Variants in KIAA1217 observed in about 807,000 individuals in gnomAD.
KIAA1217 encodes the protein KIAA1217.
KIAA1217 carries 88 observed loss-of-function variants against 163.9 expected under a neutral mutation model. The ratio of observed to expected loss-of-function variants is 0.54; its 90% CI spans 0.45 to 0.64. The LOEUF is 0.64. Ranked by LOEUF, KIAA1217 falls within the 30% of genes least tolerant of loss-of-function variation. The pLI is 0.00. For synonymous variants in KIAA1217, 903 were observed against 923.1 expected (o/e 0.98, Z 0.39); for missense variants, 2,372 against 2,475.0 (o/e 0.96, Z 0.88).
chr10:24,234,048 G>C (rs2071830509), intron 2 of KIAA1217, among the ~76,000 whole-genome samples: 1 of 151,808 alleles, frequency 6.6e-6, no homozygotes, highest in South Asian at 2.1e-4. Flanking sequence ...ACATTTGTTT[G>C]CATCTGTCAG....
chr10:23,989,586 G>T (rs567558398), intron 1 of KIAA1217, among the ~76,000 whole-genome samples: 25 of 152,212 alleles, frequency 1.6e-4, no homozygotes, highest in African/African-American at 6.0e-4. Flanking sequence ...GAGACTTTTT[G>T]CTTCTGTGGT....
At chr10:24,235,416 C>T (rs138964889) in intron 2 of KIAA1217, among the ~76,000 whole-genome samples, 113 of 152,308 alleles carry the variant, frequency 7.4e-4, no homozygotes, top group African/African-American at 2.5e-3. Flanking sequence ...AGTTGGGGTC[C>T]ATGTTTCATT....
chr10:24,525,500 A>G (rs1185484261), intron 13 of KIAA1217, among the ~76,000 whole-genome samples: 1 of 152,246 alleles, frequency 6.6e-6, no homozygotes, highest in Non-Finnish European at 1.5e-5. Flanking sequence ...TTTGGAAGGT[A>G]TCAGAGAAAT....
chr10:24,546,417 C>A lies in KIAA1217; in HGVS notation c.*93C>A. 1.6e-6 allele frequency: 2 copies of A among 1,273,480 alleles called. No homozygotes were observed. Among genetic ancestry groups the A allele is most frequent in the Non-Finnish European group, 2.2e-6 (2 of 928,346 alleles). The allele number at this position is 1,273,480 out of a possible 1,614,324, so 78.9% of individuals were successfully genotyped here. A position where few individuals can be genotyped will look rare whatever the true frequency, so the allele number is the denominator to read the frequency against. ...TTTCACAAGAGAATGTAACATATTGCTGTATCGTTTGAGGCTTAATGCTAA... is the reference window on the plus strand; with the variant it reads ...TTTCACAAGAGAATGTAACATATTGATGTATCGTTTGAGGCTTAATGCTAA... On this transcript the variant is annotated 3_prime_UTR_variant, in exon 21 of 21. Transcript: ENST00000376454.
intron 1 of KIAA1217, among the ~76,000 whole-genome samples, chr10:23,765,335 G>A (rs910976618): frequency 1.3e-5 from 2 of 151,236 alleles, no homozygotes; most frequent in Admixed American, 6.6e-5. Context: ...ACTACAGCCC[G>A]GCTAACTTTT....
At chr10:24,448,616 A>T (rs1436999437) in intron 5 of KIAA1217, among the ~76,000 whole-genome samples, 1 of 152,152 alleles carries the variant, frequency 6.6e-6, no homozygotes, top group African/African-American at 2.4e-5. Flanking sequence ...TTGAACTCCT[A>T]GGCTCCAGGG....
intron 2 of KIAA1217, among the ~76,000 whole-genome samples, chr10:24,153,490 A>G (rs917640795): frequency 2.0e-5 from 3 of 152,230 alleles, no homozygotes; most frequent in Non-Finnish European, 4.4e-5. Flanking sequence ...TTAAGAAGGT[A>G]CCTTGTGTAA....
At chr10:24,139,921 T>A (rs1480903626) in intron 2 of KIAA1217, among the ~76,000 whole-genome samples, 1 of 152,182 alleles carries the variant, frequency 6.6e-6, no homozygotes, top group African/African-American at 2.4e-5. Context: ...TAACTAGTAG[T>A]AAAGTCAAGC....
Position 24,536,179 on chromosome 10 carries a change from A to T in KIAA1217, c.3415-595A>T, listed in dbSNP as rs539555275. ...GTTGGCTCTTATAGTTTTCAGAGAC[A>T]AATCTCCAGGGTTCAGGCAGCTCCT... On this transcript the variant is annotated intron_variant, in intron 16 of 20. Coordinates refer to ENST00000376454, the MANE Select transcript of KIAA1217 (RefSeq NM_019590.5). Among the ~76,000 whole-genome samples the T allele has an allele frequency of 1.6e-4, 25 of 152,292 alleles. No individual in the cohort carries two copies. In the South Asian group the frequency reaches 4.8e-3, roughly 29 times the overall value.
chr10:24,274,563 C>A (rs555489718), intron 2 of KIAA1217, among the ~76,000 whole-genome samples: 1 of 152,260 alleles, frequency 6.6e-6, no homozygotes, highest in South Asian at 2.1e-4. Flanking sequence ...AAAATACAGT[C>A]AATTCTTGTT....
At chr10:24,536,098 C>G (rs2073968074) in intron 16 of KIAA1217, among the ~76,000 whole-genome samples, 1 of 152,170 alleles carries the variant, frequency 6.6e-6, no homozygotes. Flanking sequence ...TATGTCTATA[C>G]TTTCTCCCTT....
intron 1 of KIAA1217, among the ~76,000 whole-genome samples, chr10:23,894,008 C>G (rs972626534): frequency 2.0e-5 from 3 of 151,910 alleles, no homozygotes; most frequent in African/African-American, 7.2e-5. Flanking sequence ...TAAGAACTAT[C>G]TATGACAAAC....
At chr10:24,259,523 G>A (rs562858502) in intron 2 of KIAA1217, among the ~76,000 whole-genome samples, 7 of 152,328 alleles carry the variant, frequency 4.6e-5, no homozygotes, top group African/African-American at 1.4e-4. Flanking sequence ...GCTAAGGTGG[G>A]AGGATTGCTT....
intron 3 of KIAA1217, among the ~76,000 whole-genome samples, chr10:24,405,178 G>A (rs1330217300): frequency 6.6e-6 from 1 of 152,150 alleles, no homozygotes; most frequent in Non-Finnish European, 1.5e-5. Flanking sequence ...AGCTCTGTGG[G>A]TTGCAGCAAT....
intron 1 of KIAA1217, among the ~76,000 whole-genome samples, chr10:24,217,334 A>G (rs1412220469): frequency 1.3e-5 from 2 of 152,166 alleles, no homozygotes; most frequent in African/African-American, 2.4e-5. Context: ...TTTTAAACCA[A>G]TAGTTCCATC....
intron 2 of KIAA1217, among the ~76,000 whole-genome samples, chr10:24,116,624 C>G (rs778159029): frequency 1.3e-5 from 2 of 152,092 alleles, no homozygotes; most frequent in Non-Finnish European, 2.9e-5. Context: ...TGATGTAGAA[C>G]AGCCTTCTAG....
chr10:23,870,763 A>G (rs959646257), intron 1 of KIAA1217, among the ~76,000 whole-genome samples: 5 of 152,152 alleles, frequency 3.3e-5, no homozygotes, highest in African/African-American at 1.2e-4. Flanking sequence ...ACCCTTAGGC[A>G]GTCTGGCTAC....
intron 1 of KIAA1217, among the ~76,000 whole-genome samples, chr10:23,857,494 A>G (rs1363819219): frequency 1.3e-5 from 2 of 152,198 alleles, no homozygotes; most frequent in Non-Finnish European, 2.9e-5. Context: ...ACCTTTGTAA[A>G]TGTATTCATG....
In KIAA1217 at chr10:24,389,101, C is replaced by T. The variant is rs146479557; in HGVS notation, c.553+8034C>T. Among the ~76,000 whole-genome samples, 961 of 152,038 alleles carry T rather than the reference C, an allele frequency of 6.3e-3. 12 individuals are homozygous for T. The highest frequency in any genetic ancestry group is 7.8e-3 in the Non-Finnish European group (528 of 68,014). On this transcript the variant is annotated intron_variant, in intron 3 of 20. Coordinates refer to ENST00000376454, the MANE Select transcript of KIAA1217 (RefSeq NM_019590.5). ...AATCATGCTGCTATAAACACACACACGTACGTTTATTGCAGCACTATTCAC... is the reference window on the plus strand; with the variant it reads ...AATCATGCTGCTATAAACACACACATGTACGTTTATTGCAGCACTATTCAC...
Sources: gnomAD v4.1 joint callset for allele counts (sites outside exome capture counted in the v4.1 genomes callset) on GRCh38, gnomAD v4.1.1 for gene constraint, MANE v1.5 for transcripts, NCBI Gene and HGNC (gene_info 2026-07-23, HGNC 2026-07-21) for gene names.